Variants in CCDC30 observed in about 807,000 individuals in gnomAD.
CCDC30 encodes coiled-coil domain containing 30.
Under a neutral mutation model 100.2 loss-of-function variants are expected in CCDC30, and 70 were observed. That is an observed-to-expected ratio of 0.70 (90% CI 0.58 to 0.85). The LOEUF is 0.85. Ranked by LOEUF, CCDC30 falls within the 40% of genes least tolerant of loss-of-function variation. CCDC30 has a pLI of 0.00. For missense variants in CCDC30, 652 were observed against 771.2 expected (o/e 0.85, Z 1.83); for synonymous variants, 233 against 269.5 (o/e 0.86, Z 1.33).
At chr1:42,629,114 C>T (rs1295591897) in intron 11 of CCDC30, among the ~76,000 whole-genome samples, 1 of 152,164 alleles carries the variant, frequency 6.6e-6, no homozygotes, top group Non-Finnish European at 1.5e-5. Flanking sequence ...TTTACTATTA[C>T]CAGTGAGTCT....
chr1:42,597,386 A>C (rs1646310562), intron 10 of CCDC30, among the ~76,000 whole-genome samples: 1 of 152,226 alleles, frequency 6.6e-6, no homozygotes. Context: ...AATGACAGAA[A>C]ATCAAAGAGA....
At chr1:42,540,211 A>T (rs1300569777) in intron 6 of CCDC30, among the ~76,000 whole-genome samples, 1 of 152,234 alleles carries the variant, frequency 6.6e-6, no homozygotes, top group Non-Finnish European at 1.5e-5. Context: ...TATCCCAGAA[A>T]ATCAGGAGCA....
upstream of CCDC30, chr1:42,459,995 C>A (rs992213398): frequency 1.4e-5 from 21 of 1,503,150 alleles, no homozygotes; most frequent in Middle Eastern, 2.5e-4. Flanking sequence ...ACAAAAAAAA[C>A]CATGGCTTTC....
intron 6 of CCDC30, among the ~76,000 whole-genome samples, chr1:42,510,395 A>T (rs1279878288): frequency 6.6e-6 from 1 of 152,190 alleles, no homozygotes; most frequent in African/African-American, 2.4e-5. Context: ...GTGGTGGCTC[A>T]TGCCTGTAAT....
intron 8 of CCDC30, among the ~76,000 whole-genome samples, chr1:42,577,580 T>C (rs1226097053): frequency 6.6e-6 from 1 of 152,222 alleles, no homozygotes; most frequent in Non-Finnish European, 1.5e-5. Context: ...TAATTTTGTT[T>C]TTTTCATTGA....
At chr1:42,608,130 C>T (rs1646540768) in intron 10 of CCDC30, among the ~76,000 whole-genome samples, 1 of 152,034 alleles carries the variant, frequency 6.6e-6, no homozygotes, top group South Asian at 2.1e-4. Context: ...CCCTTTAAGG[C>T]TCATTACCAT....
chr1:42,461,142 C>A (rs1337208129), upstream of CCDC30, among the ~76,000 whole-genome samples: 1 of 152,170 alleles, frequency 6.6e-6, no homozygotes, highest in Admixed American at 6.5e-5. Context: ...ACTTAAAATA[C>A]AATTCATGGT....
intron 3 of CCDC30, among the ~76,000 whole-genome samples, chr1:42,488,835 C>G (rs1644092085): frequency 6.6e-6 from 1 of 152,096 alleles, no homozygotes; most frequent in African/African-American, 2.4e-5. Flanking sequence ...TTTGGAAGCC[C>G]CTGGTTCACA....
intron 6 of CCDC30, among the ~76,000 whole-genome samples, chr1:42,550,381 TTC>T (rs1645226523): frequency 6.6e-6 from 1 of 152,172 alleles, no homozygotes; most frequent in Admixed American, 6.5e-5. Context: ...AATAATATTG[TTC>T]TCTCTCTTAA....
intron 10 of CCDC30, among the ~76,000 whole-genome samples, chr1:42,598,636 A>T (rs536098375): frequency 6.6e-6 from 1 of 152,342 alleles, no homozygotes; most frequent in East Asian, 1.9e-4. Flanking sequence ...GGTAGATATA[A>T]ATCAAATTAT....
chr1:42,645,546 A>G (rs1351101067), intron 14 of CCDC30, among the ~76,000 whole-genome samples: 2 of 152,184 alleles, frequency 1.3e-5, no homozygotes, highest in African/African-American at 4.8e-5. Context: ...TCTGGTTTAT[A>G]TCACCTACTA....
exon 11 of CCDC30, chr1:42,610,992 C>T (rs1277358392): frequency 6.2e-7 from 1 of 1,602,992 alleles, no homozygotes; most frequent in East Asian, 2.2e-5. Context: ...TCAAAAGCAA[C>T]CAGGAATTGT....
At chr1:42,619,948 G>T (rs1338034178) in intron 11 of CCDC30, among the ~76,000 whole-genome samples, 1 of 152,150 alleles carries the variant, frequency 6.6e-6, no homozygotes, top group Non-Finnish European at 1.5e-5. Context: ...GGACTCCCTT[G>T]GAGTAGTTCT....
rs1281962334 is a variant in CCDC30, at chr1:42,596,738, AAAAC to A, written c.1164+7275_1164+7278del. 9.3e-6 allele frequency among the ~76,000 whole-genome samples: 1 copy of A among 107,088 alleles called. No individual in the cohort carries two copies. Among genetic ancestry groups the A allele is most frequent in the South Asian group, 3.6e-4 (1 of 2,800 alleles). The allele number at this position is 107,088 out of a possible 152,430, so 70.3% of individuals were successfully genotyped here. On this transcript the variant is annotated intron_variant, in intron 10 of 16. Transcript: ENST00000668663. The surrounding 1 kb of genome is among the most constrained non-coding windows in gnomAD (Gnocchi z 4.3). ...ATTACAAGACACGCTAAAAGGCAAA[AAAAC>A]AAACAAACAAACAAACAAAAACAGT...
At chr1:42,563,331 A>G (rs138845713) in intron 6 of CCDC30, among the ~76,000 whole-genome samples, 29 of 152,310 alleles carry the variant, frequency 1.9e-4, no homozygotes, top group African/African-American at 5.3e-4. Context: ...GAAAGCCATC[A>G]TCCTCAGCAA....
chr1:42,615,932 T>G (rs915113763), intron 11 of CCDC30, among the ~76,000 whole-genome samples: 29 of 152,080 alleles, frequency 1.9e-4, no homozygotes, highest in Admixed American at 6.5e-5. Flanking sequence ...TGGTTTTTTT[T>G]TTAGATGGAG....
chr1:42,642,208 A>G (rs1481580735), intron 12 of CCDC30, among the ~76,000 whole-genome samples: 1 of 152,022 alleles, frequency 6.6e-6, no homozygotes, highest in Non-Finnish European at 1.5e-5. Context: ...CCTGGGTGAC[A>G]GGGCAAGTTC....
At chr1:42,550,385 C>G (rs534113383) in intron 6 of CCDC30, among the ~76,000 whole-genome samples, 4 of 152,172 alleles carry the variant, frequency 2.6e-5, no homozygotes, top group Non-Finnish European at 5.9e-5. Context: ...ATATTGTTCT[C>G]TCTCTTAAAA....
intron 9 of CCDC30, among the ~76,000 whole-genome samples, chr1:42,586,731 A>AT (rs1018579142): frequency 6.6e-6 from 1 of 152,032 alleles, no homozygotes; most frequent in African/African-American, 2.4e-5. Context: ...GAACAGAAAA[A>AT]ATATATATAT....
Sources: gnomAD v4.1 joint callset for allele counts (sites outside exome capture counted in the v4.1 genomes callset) on GRCh38, gnomAD v4.1.1 for gene constraint, Gnocchi (gnomAD v3.1) non-coding constraint, MANE v1.5 for transcripts, NCBI Gene and HGNC (gene_info 2026-07-23, HGNC 2026-07-21) for gene names.